The following SCHIP1 variants were observed in gnomAD, a reference collection of about 807,000 sequenced individuals.
SCHIP1 encodes the protein schwannomin-interacting protein 1.
SCHIP1 carries 8 observed loss-of-function variants against 29.7 expected under a neutral mutation model. The observed-to-expected ratio is 0.27, with a 90% CI of 0.16 to 0.49. The LOEUF (loss-of-function observed/expected upper bound fraction) is 0.49, where lower values mean the gene tolerates loss of function less well. Among genes scored for constraint, SCHIP1 ranks in the 20% least tolerant of loss-of-function variants. The probability of loss-of-function intolerance (pLI) is 0.99; values close to 1 mark genes in which losing one functional copy is unlikely to be tolerated. For synonymous variants in SCHIP1, 76 were observed against 94.9 expected (o/e 0.80, Z 1.16); for missense variants, 193 against 294.6 (o/e 0.66, Z 2.52).
chr3:159,623,307 G>A, the SCHIP1 span, among the ~76,000 whole-genome samples: 1 of 152,172 alleles, frequency 6.6e-6, no homozygotes, highest in African/African-American at 2.4e-5. Context: ...AACTTGAGAA[G>A]TATATACCTC....
chr3:159,762,083 T>C, the SCHIP1 span, among the ~76,000 whole-genome samples: 1 of 152,182 alleles, frequency 6.6e-6, no homozygotes, highest in Non-Finnish European at 1.5e-5. Context: ...AAATGTTTCC[T>C]ACTTACATCT....
the SCHIP1 span, among the ~76,000 whole-genome samples, chr3:159,578,828 C>T: frequency 6.6e-6 from 1 of 152,086 alleles, no homozygotes; most frequent in East Asian, 1.9e-4. Context: ...TATAAGAACC[C>T]TAGTGATTAC....
the SCHIP1 span, among the ~76,000 whole-genome samples, chr3:159,809,882 T>A: frequency 6.6e-6 from 1 of 151,982 alleles, no homozygotes; most frequent in Non-Finnish European, 1.5e-5. Context: ...TAGTCCCAGC[T>A]ATTTGGGAGG....
the SCHIP1 span, among the ~76,000 whole-genome samples, chr3:159,398,406 T>G: frequency 6.6e-6 from 1 of 152,290 alleles, no homozygotes; most frequent in African/African-American, 2.4e-5. Context: ...GGCAAAGGAC[T>G]TGAGAGCCAT....
At chr3:159,387,108 C>A in the SCHIP1 span, 1 of 177,540 alleles carries the variant, frequency 5.6e-6, no homozygotes, top group Non-Finnish European at 1.2e-5. Flanking sequence ...TGGAGCATAC[C>A]AATCTTATTC....
chr3:159,724,024 A>C, the SCHIP1 span, among the ~76,000 whole-genome samples: 2 of 152,176 alleles, frequency 1.3e-5, no homozygotes, highest in African/African-American at 4.8e-5. Context: ...GAGTTGAACC[A>C]GTTTATTTTC....
At chr3:159,464,833 T>A in the SCHIP1 span, among the ~76,000 whole-genome samples, 1 of 152,182 alleles carries the variant, frequency 6.6e-6, no homozygotes, top group Non-Finnish European at 1.5e-5. Context: ...TAATCTTCTC[T>A]ATGGTGTTGC....
the SCHIP1 span, among the ~76,000 whole-genome samples, chr3:159,354,165 T>C: frequency 4.6e-5 from 7 of 152,198 alleles, no homozygotes; most frequent in African/African-American, 1.7e-4. Flanking sequence ...AACAAATCTG[T>C]TATTTCAGCT....
chr3:159,360,141 A>G, the SCHIP1 span, among the ~76,000 whole-genome samples: 1 of 152,228 alleles, frequency 6.6e-6, no homozygotes, highest in Non-Finnish European at 1.5e-5. Flanking sequence ...GTTCAATGCA[A>G]ACATCATAAG....
the SCHIP1 span, among the ~76,000 whole-genome samples, chr3:159,460,204 C>T: frequency 2.0e-5 from 3 of 152,332 alleles, no homozygotes; most frequent in African/African-American, 7.2e-5. Context: ...AATTCCCACT[C>T]TTTACCATGC....
the SCHIP1 span, among the ~76,000 whole-genome samples, chr3:159,300,619 T>C: frequency 6.6e-6 from 1 of 152,190 alleles, no homozygotes; most frequent in Non-Finnish European, 1.5e-5. Flanking sequence ...CGGAGTTACA[T>C]CAAAATTCAG....
chr3:159,341,376 A>G, the SCHIP1 span, among the ~76,000 whole-genome samples: 2 of 152,242 alleles, frequency 1.3e-5, no homozygotes, highest in African/African-American at 4.8e-5. Flanking sequence ...TTGGGCAAAT[A>G]CCTTAAAGAA....
At chr3:159,695,472 A>G in the SCHIP1 span, among the ~76,000 whole-genome samples, 2 of 152,090 alleles carry the variant, frequency 1.3e-5, no homozygotes, top group Non-Finnish European at 2.9e-5. Context: ...TCCTAGAACC[A>G]CTTAGCTGCT....
At chr3:159,554,535 A>G in the SCHIP1 span, among the ~76,000 whole-genome samples, 9 of 152,110 alleles carry the variant, frequency 5.9e-5, no homozygotes, top group Admixed American at 4.6e-4. Context: ...TACTAGAAGG[A>G]GATAGGATGC....
At chr3:159,786,411 A>T in the SCHIP1 span, among the ~76,000 whole-genome samples, 3 of 152,150 alleles carry the variant, frequency 2.0e-5, no homozygotes, top group African/African-American at 7.2e-5. Flanking sequence ...AGATTATTAT[A>T]GTTCTCAAAT....
At chr3:159,628,157 T>A in the SCHIP1 span, among the ~76,000 whole-genome samples, 2 of 152,114 alleles carry the variant, frequency 1.3e-5, no homozygotes, top group East Asian at 3.9e-4. Flanking sequence ...AAGTTGGAGT[T>A]CAAGGCTCAC....
the SCHIP1 span, among the ~76,000 whole-genome samples, chr3:159,682,818 A>T: frequency 6.6e-6 from 1 of 152,112 alleles, no homozygotes; most frequent in Non-Finnish European, 1.5e-5. Flanking sequence ...TATATATTCC[A>T]CTGATGCCTT....
the SCHIP1 span, among the ~76,000 whole-genome samples, chr3:159,660,243 A>C: frequency 9.9e-5 from 15 of 152,106 alleles, 1 homozygote; most frequent in Admixed American, 9.8e-4. Context: ...TCGGATATGA[A>C]ATGGCCTGAA....
chr3:159,744,458 G>GA, the SCHIP1 span, among the ~76,000 whole-genome samples: 1 of 152,118 alleles, frequency 6.6e-6, no homozygotes, highest in African/African-American at 2.4e-5. Flanking sequence ...TTGCTGACTA[G>GA]AAAAAATTCT....
Sources: gnomAD v4.1 joint callset for allele counts (sites outside exome capture counted in the v4.1 genomes callset) on GRCh38, gnomAD v4.1.1 for gene constraint, MANE v1.5 for transcripts, NCBI Gene and HGNC (gene_info 2026-07-23, HGNC 2026-07-21) for gene names.